The following ADAMTSL1 variants were observed in gnomAD, a reference collection of about 807,000 sequenced individuals.
The protein encoded by ADAMTSL1 is ADAMTS like 1, also known as ADAMTS-like protein 1.
A neutral mutation model predicts 201.8 loss-of-function variants in ADAMTSL1; 126 were observed. The observed-to-expected ratio is 0.62, with a 90% CI of 0.54 to 0.72. The LOEUF (loss-of-function observed/expected upper bound fraction) is 0.72. Among genes scored for constraint, ADAMTSL1 ranks in the 30% least tolerant of loss-of-function variants. The pLI is 0.00. For synonymous variants in ADAMTSL1, 1,121 were observed against 903.4 expected (o/e 1.24, Z -4.32); for missense variants, 2,679 against 2,277.8 (o/e 1.18, Z -3.59).
At chr9:18,685,198 G>A (rs778171029) in intron 13 of ADAMTSL1, among the ~76,000 whole-genome samples, 1 of 152,202 alleles carries the variant, frequency 6.6e-6, no homozygotes, top group African/African-American at 2.4e-5. Flanking sequence ...TAAAGAGCAA[G>A]TAAAGTATAC....
intron 2 of ADAMTSL1, among the ~76,000 whole-genome samples, chr9:18,371,970 G>A (rs1331986449): frequency 3.3e-5 from 5 of 152,272 alleles, no homozygotes; most frequent in African/African-American, 1.2e-4. Flanking sequence ...TCTAACACAG[G>A]CAAAATAGCC....
chr9:18,682,510 G>A (rs1475101747), intron 12 of ADAMTSL1, among the ~76,000 whole-genome samples: 1 of 152,074 alleles, frequency 6.6e-6, no homozygotes, highest in African/African-American at 2.4e-5. Flanking sequence ...AGAAATTTTA[G>A]GAAAGTGTAG....
At chr9:18,507,643 T>G (rs1817759090) in intron 2 of ADAMTSL1, among the ~76,000 whole-genome samples, 1 of 152,206 alleles carries the variant, frequency 6.6e-6, no homozygotes, top group Non-Finnish European at 1.5e-5. Flanking sequence ...AGATAGTTCC[T>G]GCTTTGATTC....
chr9:18,851,291 G>C (rs1826477346), intron 23 of ADAMTSL1, among the ~76,000 whole-genome samples: 1 of 152,116 alleles, frequency 6.6e-6, no homozygotes, highest in East Asian at 1.9e-4. Context: ...AGTATGAGCA[G>C]GTGAGAAAGG....
At chr9:18,615,917 A>G (rs1825675345) in intron 4 of ADAMTSL1, among the ~76,000 whole-genome samples, 1 of 152,168 alleles carries the variant, frequency 6.6e-6, no homozygotes, top group Non-Finnish European at 1.5e-5. Flanking sequence ...ATAGCTGCAC[A>G]TGTGCCAGAA....
At chr9:18,407,091 C>T (rs532981919) in intron 2 of ADAMTSL1, among the ~76,000 whole-genome samples, 31 of 152,290 alleles carry the variant, frequency 2.0e-4, no homozygotes, top group African/African-American at 6.5e-4. Context: ...TGGCACTTTG[C>T]TGTCCAATGG....
At chr9:18,716,439 A>T (rs1332509890) in intron 14 of ADAMTSL1, among the ~76,000 whole-genome samples, 2 of 152,210 alleles carry the variant, frequency 1.3e-5, no homozygotes, top group African/African-American at 4.8e-5. Context: ...ACATGAACAC[A>T]GACTTCTCAA....
At chr9:18,039,607 G>C (rs563853241) in intron 1 of ADAMTSL1, among the ~76,000 whole-genome samples, 2 of 152,086 alleles carry the variant, frequency 1.3e-5, no homozygotes, top group Non-Finnish European at 2.9e-5. Context: ...AATTAACTGA[G>C]TTAGTTTCCA....
intron 16 of ADAMTSL1, among the ~76,000 whole-genome samples, chr9:18,761,825 C>T (rs1036614319): frequency 6.6e-6 from 1 of 152,172 alleles, no homozygotes; most frequent in African/African-American, 2.4e-5. Flanking sequence ...TTTGAGAACA[C>T]AGACAAGATA....
chr9:18,302,935 T>C (rs986077865), intron 2 of ADAMTSL1, among the ~76,000 whole-genome samples: 3 of 152,204 alleles, frequency 2.0e-5, no homozygotes, highest in African/African-American at 4.8e-5. Flanking sequence ...TAATGAGATA[T>C]CTTAGACATG....
At chr9:18,408,345 C>T (rs1818290121) in intron 2 of ADAMTSL1, among the ~76,000 whole-genome samples, 2 of 152,084 alleles carry the variant, frequency 1.3e-5, no homozygotes, top group South Asian at 2.1e-4. Context: ...GTGGTAGGCA[C>T]CTGTAATCCC....
intron 2 of ADAMTSL1, among the ~76,000 whole-genome samples, chr9:18,257,318 G>T (rs192626260): frequency 6.6e-6 from 1 of 152,220 alleles, no homozygotes; most frequent in African/African-American, 2.4e-5. Flanking sequence ...GAAAGGCAGA[G>T]AATTCAAAAC....
intron 1 of ADAMTSL1, among the ~76,000 whole-genome samples, chr9:18,057,524 T>C (rs1822249145): frequency 6.6e-6 from 1 of 152,218 alleles, no homozygotes. Flanking sequence ...AGCTGAGGGA[T>C]ATTTGTGACT....
intron 1 of ADAMTSL1, among the ~76,000 whole-genome samples, chr9:18,478,050 C>G (rs975995854): frequency 2.0e-5 from 3 of 152,054 alleles, no homozygotes; most frequent in African/African-American, 7.2e-5. Context: ...TGTTTTAATA[C>G]ATGTTGATGC....
intron 2 of ADAMTSL1, among the ~76,000 whole-genome samples, chr9:18,326,691 C>T (rs1463469371): frequency 6.6e-6 from 1 of 152,206 alleles, no homozygotes; most frequent in Non-Finnish European, 1.5e-5. Context: ...TGGTTCCATG[C>T]ATCCCTTCCC....
At position 18,696,592 on chromosome 9, in the gene ADAMTSL1, G is replaced by A. The variant is rs1831562979; in HGVS notation, c.1575-10155G>A. On this transcript the variant is annotated intron_variant, in intron 13 of 28. Coordinates refer to ENST00000380548, the MANE Select transcript of ADAMTSL1 (RefSeq NM_001040272.6). ...AAATAGACCAGTGGCTATTGTGGTAGTCCAGCAGAAAGACGATGTTATCTT... is the reference window on the plus strand; with the variant it reads ...AAATAGACCAGTGGCTATTGTGGTAATCCAGCAGAAAGACGATGTTATCTT... 2.6e-5 allele frequency among the ~76,000 whole-genome samples: 4 copies of A among 152,124 alleles called. No homozygotes were observed. In the South Asian group the frequency reaches 8.3e-4, roughly 32 times the overall value.
intron 4 of ADAMTSL1, among the ~76,000 whole-genome samples, chr9:18,591,732 G>A (rs1440924247): frequency 6.6e-6 from 1 of 152,092 alleles, no homozygotes; most frequent in Non-Finnish European, 1.5e-5. Context: ...CAGAATAGGA[G>A]CCATTACAAT....
chr9:18,893,198 G>C (rs1046957564), intron 26 of ADAMTSL1, among the ~76,000 whole-genome samples: 8 of 151,946 alleles, frequency 5.3e-5, no homozygotes, highest in Non-Finnish European at 2.9e-5. Context: ...CTCCTACCTG[G>C]AAAAGCCTGC....
At chr9:18,172,030 A>G (rs1028386445) in intron 2 of ADAMTSL1, among the ~76,000 whole-genome samples, 2 of 151,732 alleles carry the variant, frequency 1.3e-5, no homozygotes, top group African/African-American at 4.8e-5. Context: ...ACACAAGAAC[A>G]GAAAACCAAA....
Sources: gnomAD v4.1 joint callset for allele counts (sites outside exome capture counted in the v4.1 genomes callset) on GRCh38, gnomAD v4.1.1 for gene constraint, MANE v1.5 for transcripts, NCBI Gene and HGNC (gene_info 2026-07-23, HGNC 2026-07-21) for gene names.